The following FBXO34 variants were observed in gnomAD, a reference collection of about 807,000 sequenced individuals.
FBXO34 encodes the protein F-box protein 34, also known as F-box only protein 34.
A neutral mutation model predicts 24.5 loss-of-function variants in FBXO34; 12 were observed. The ratio of observed to expected loss-of-function variants is 0.49; its 90% CI spans 0.31 to 0.79. The LOEUF (loss-of-function observed/expected upper bound fraction) is 0.79. Among genes scored for constraint, FBXO34 ranks in the 30% least tolerant of loss-of-function variants. FBXO34 has a pLI of 0.04. For synonymous variants in FBXO34, 320 were observed against 311.9 expected (o/e 1.03, Z -0.27); for missense variants, 823 against 857.7 (o/e 0.96, Z 0.51).
At chr14:55,317,636 A>G (rs1026472705) in intron 1 of FBXO34, among the ~76,000 whole-genome samples, 22 of 152,192 alleles carry the variant, frequency 1.4e-4, no homozygotes, top group Non-Finnish European at 3.1e-4. Context: ...TCTCTTCTGA[A>G]CTGTGTTCAG....
At chr14:55,362,179 G>A (rs1276543657), downstream of FBXO34, among the ~76,000 whole-genome samples, 4 of 152,162 alleles carry the variant, frequency 2.6e-5, no homozygotes, top group Non-Finnish European at 1.5e-5. Context: ...TTTCAATATT[G>A]TTGTGTCTCA....
At chr14:55,383,256 AAAT>A in the FBXO34 span, among the ~76,000 whole-genome samples, 6 of 152,210 alleles carry the variant, frequency 3.9e-5, no homozygotes, top group Non-Finnish European at 5.9e-5. Context: ...AAAAGAAAGA[AAAT>A]AAACAACAGG....
chr14:55,407,499 A>G, the FBXO34 span, among the ~76,000 whole-genome samples: 1 of 151,984 alleles, frequency 6.6e-6, no homozygotes, highest in East Asian at 1.9e-4. Context: ...TCCTGGCCTC[A>G]AGTGATCCGC....
At chr14:55,393,405 A>T in the FBXO34 span, among the ~76,000 whole-genome samples, 1 of 152,140 alleles carries the variant, frequency 6.6e-6, no homozygotes, top group East Asian at 1.9e-4. Context: ...GGAAAAAAAA[A>T]GAAATATATG....
Position 55,351,436 on chromosome 14 carries a change from A to G in FBXO34, c.1046A>G (p.Asp349Gly). 1 of 1,614,144 alleles carries G rather than the reference A, an allele frequency of 6.2e-7. No individual in the cohort carries two copies. The highest frequency in any genetic ancestry group is 8.5e-7 in the Non-Finnish European group (1 of 1,180,016). The change falls in exon 2 of 2, where the codon GAT becomes GGT. Residue 349 changes from aspartate to glycine, a missense_variant. Around this residue, in one of 2 missense-constraint regions of FBXO34, gnomAD observed 693 missense variants for 659.1 expected, o/e 1.05. Coordinates refer to ENST00000313833, the MANE Select transcript of FBXO34 (RefSeq NM_017943.4). ...AATCCTGTGGGGTCTGTATCTGTGG[A>G]TTGTGGCCCTTCAAGAGCTGATCGT... ...QVNPVGSVSV[D>G]CGPSRADRCS...
the FBXO34 span, chr14:55,424,393 C>T: frequency 3.6e-6 from 2 of 563,108 alleles, no homozygotes; most frequent in Middle Eastern, 3.6e-4. Flanking sequence ...TTTTAACTAT[C>T]TTGATGAAGA....
chr14:55,349,698 C>G (rs1327167048), intron 1 of FBXO34, among the ~76,000 whole-genome samples: 1 of 150,290 alleles, frequency 6.7e-6, no homozygotes, highest in Non-Finnish European at 1.5e-5. Context: ...GCCTCTGCCC[C>G]TAGGTTAAAG....
chr14:55,441,042 C>T, the FBXO34 span, among the ~76,000 whole-genome samples: 5 of 152,232 alleles, frequency 3.3e-5, no homozygotes, highest in South Asian at 1.0e-3. Context: ...AGACTGGTTT[C>T]ACCTTGTTGG....
At chr14:55,435,180 T>C in the FBXO34 span, among the ~76,000 whole-genome samples, 3 of 152,182 alleles carry the variant, frequency 2.0e-5, no homozygotes, top group South Asian at 2.1e-4. Context: ...AATGGAAAGA[T>C]ACATAAGTGT....
chr14:55,368,108 A>G (rs1884723913), downstream of FBXO34: 2 of 131,016 alleles, frequency 1.5e-5, no homozygotes, highest in South Asian at 5.0e-4. Flanking sequence ...AGTTATTAAA[A>G]ATAAACTACT....
At chr14:55,431,275 T>C in the FBXO34 span, among the ~76,000 whole-genome samples, 2 of 152,232 alleles carry the variant, frequency 1.3e-5, no homozygotes, top group Non-Finnish European at 2.9e-5. Flanking sequence ...TCTGAACTCA[T>C]TATCCAAACT....
intron 1 of FBXO34, among the ~76,000 whole-genome samples, chr14:55,324,043 G>T (rs1883259520): frequency 6.6e-6 from 1 of 151,812 alleles, no homozygotes; most frequent in African/African-American, 2.4e-5. Context: ...ACCCCCATGG[G>T]TGACAAAATG....
chr14:55,288,013 A>G (rs915388956), intron 1 of FBXO34, among the ~76,000 whole-genome samples: 5 of 152,176 alleles, frequency 3.3e-5, no homozygotes, highest in African/African-American at 9.7e-5. Flanking sequence ...TTGGAGCTCA[A>G]AAAGTTTTGG....
the FBXO34 span, among the ~76,000 whole-genome samples, chr14:55,441,797 G>A: frequency 4.5e-4 from 68 of 151,878 alleles, no homozygotes; most frequent in African/African-American, 1.6e-3. Context: ...TTGAGACAGA[G>A]TCTGCTCTGT....
chr14:55,275,938 G>A (rs1300469859), intron 1 of FBXO34, among the ~76,000 whole-genome samples: 1 of 149,698 alleles, frequency 6.7e-6, no homozygotes, highest in African/African-American at 2.5e-5. Flanking sequence ...ATAGGGAATA[G>A]CTTATCATAG....
chr14:55,379,145 T>C, the FBXO34 span, among the ~76,000 whole-genome samples: 1 of 152,240 alleles, frequency 6.6e-6, no homozygotes, highest in African/African-American at 2.4e-5. Context: ...TTGTCACCAA[T>C]GTACCCTCCA....
chr14:55,361,599 A>G (rs561374822), intron 3 of FBXO34: 1 of 152,332 alleles, frequency 6.6e-6, no homozygotes, highest in African/African-American at 2.4e-5. Flanking sequence ...AAAATCCTAG[A>G]TGGTATCTTC....
chr14:55,313,876 C>A (rs1248539655), intron 1 of FBXO34, among the ~76,000 whole-genome samples: 1 of 152,100 alleles, frequency 6.6e-6, no homozygotes, highest in Non-Finnish European at 1.5e-5. Flanking sequence ...TGGCTGGGGA[C>A]ACAAAGCCTA....
At chr14:55,346,452 A>G (rs902521000) in intron 1 of FBXO34, among the ~76,000 whole-genome samples, 2 of 152,250 alleles carry the variant, frequency 1.3e-5, no homozygotes, top group African/African-American at 4.8e-5. Context: ...TGAGGCTATC[A>G]TTAACTAGTA....
Sources: gnomAD v4.1 joint callset for allele counts (sites outside exome capture counted in the v4.1 genomes callset) on GRCh38, gnomAD v4.1.1 for gene constraint, gnomAD v4.1.1 regional missense constraint, MANE v1.5 for transcripts, NCBI Gene and HGNC (gene_info 2026-07-23, HGNC 2026-07-21) for gene names.